CNBD1: variants seen among roughly 807,000 people sequenced by gnomAD.
CNBD1 encodes the protein cyclic nucleotide-binding domain-containing protein 1.
CNBD1 carries 71 observed loss-of-function variants against 54.4 expected under a neutral mutation model. The observed-to-expected ratio is 1.30, with a 90% CI of 1.08 to 1.59. The LOEUF (loss-of-function observed/expected upper bound fraction) is 1.59, where lower values mean the gene tolerates loss of function less well. CNBD1 is among the 40% of genes most tolerant of loss of function. The pLI is 0.00. For missense variants in CNBD1, 659 were observed against 518.0 expected, an observed-to-expected ratio of 1.27 and a Z score of -2.64; for synonymous variants, 182 against 170.7, an observed-to-expected ratio of 1.07 and a Z score of -0.51.
downstream of CNBD1, among the ~76,000 whole-genome samples, chr8:87,387,649 T>A (rs957255442): frequency 2.6e-5 from 4 of 151,848 alleles, no homozygotes; most frequent in South Asian, 8.3e-4. Context: ...TCCCACACAA[T>A]CATAATGGGA....
At chr8:87,110,643 G>A (rs943552737) in intron 4 of CNBD1, among the ~76,000 whole-genome samples, 12 of 152,184 alleles carry the variant, frequency 7.9e-5, no homozygotes, top group East Asian at 1.9e-4. Context: ...AGGGCATCCC[G>A]AGTACATGCC....
chr8:86,880,708 T>C (rs1353116524), intron 1 of CNBD1, among the ~76,000 whole-genome samples: 4 of 152,038 alleles, frequency 2.6e-5, no homozygotes, highest in Non-Finnish European at 4.4e-5. Flanking sequence ...AGATTGGTTA[T>C]AGATACAACA....
At chr8:86,965,229 G>T (rs1331551710) in intron 4 of CNBD1, among the ~76,000 whole-genome samples, 1 of 152,116 alleles carries the variant, frequency 6.6e-6, no homozygotes, top group Non-Finnish European at 1.5e-5. Context: ...TGAGAAAAAA[G>T]AAAGAAACAA....
intron 4 of CNBD1, among the ~76,000 whole-genome samples, chr8:87,125,980 A>G (rs1247070867): frequency 2.0e-5 from 3 of 151,892 alleles, no homozygotes; most frequent in African/African-American, 7.2e-5. Flanking sequence ...TATGAGATTT[A>G]TATATGTTGC....
intron 1 of CNBD1, among the ~76,000 whole-genome samples, chr8:86,878,238 T>C (rs1044566127): frequency 3.3e-5 from 5 of 152,136 alleles, no homozygotes; most frequent in East Asian, 1.9e-4. Context: ...ATTTTTACCT[T>C]TTCCCTTAGA....
chr8:86,973,934 T>G (rs1487708236), intron 4 of CNBD1, among the ~76,000 whole-genome samples: 1 of 152,018 alleles, frequency 6.6e-6, no homozygotes, highest in Non-Finnish European at 1.5e-5. Context: ...TAGAAAAGAG[T>G]AAGGCATTAA....
At chr8:86,883,179 A>C (rs1320580474) in intron 1 of CNBD1, among the ~76,000 whole-genome samples, 2 of 115,558 alleles carry the variant, frequency 1.7e-5, no homozygotes, top group Non-Finnish European at 3.7e-5. Context: ...GGAACTTAAA[A>C]GTTAAAAAAA....
chr8:87,321,730 C>T (rs1366776915), intron 8 of CNBD1, among the ~76,000 whole-genome samples: 1 of 151,210 alleles, frequency 6.6e-6, no homozygotes, highest in African/African-American at 2.4e-5. Flanking sequence ...TTTTTTGTGC[C>T]TGTGCTTTTG....
intron 4 of CNBD1, among the ~76,000 whole-genome samples, chr8:86,989,482 G>T (rs1043110156): frequency 1.3e-5 from 2 of 151,780 alleles, no homozygotes; most frequent in Non-Finnish European, 2.9e-5. Flanking sequence ...ATGGAGTCTC[G>T]CTCTGTTGCC....
chr8:87,309,404 C>T (rs918297156), intron 8 of CNBD1, among the ~76,000 whole-genome samples: 20 of 152,160 alleles, frequency 1.3e-4, no homozygotes, highest in African/African-American at 3.4e-4. Flanking sequence ...GTCTTTTATT[C>T]GGGTCAACAT....
chr8:87,412,048 T>A (rs1807755574), intron 2 of CNBD1, among the ~76,000 whole-genome samples: 1 of 152,056 alleles, frequency 6.6e-6, no homozygotes. Flanking sequence ...AATACCCTTT[T>A]TTGATAATCA....
At chr8:87,228,300 G>A (rs1161293691) in intron 5 of CNBD1, among the ~76,000 whole-genome samples, 1 of 151,356 alleles carries the variant, frequency 6.6e-6, no homozygotes, top group Non-Finnish European at 1.5e-5. Context: ...GCATTCCTTT[G>A]GAGGAGGAGA....
intron 4 of CNBD1, among the ~76,000 whole-genome samples, chr8:86,957,794 G>A (rs1465761381): frequency 3.3e-5 from 5 of 152,014 alleles, no homozygotes; most frequent in African/African-American, 7.2e-5. Flanking sequence ...TGGGTTCATC[G>A]ATTTTTTGTA....
chr8:86,979,654 G>A (rs1808427579), intron 4 of CNBD1, among the ~76,000 whole-genome samples: 1 of 151,952 alleles, frequency 6.6e-6, no homozygotes, highest in African/African-American at 2.4e-5. Context: ...AATATTTCTG[G>A]ATAAATAAAT....
At chr8:87,368,011 A>T (rs1810677938) in intron 10 of CNBD1, among the ~76,000 whole-genome samples, 1 of 152,000 alleles carries the variant, frequency 6.6e-6, no homozygotes. Context: ...AAAAGACAAA[A>T]ATTAGCTGGG....
intron 8 of CNBD1, among the ~76,000 whole-genome samples, chr8:87,348,304 G>T (rs1397298135): frequency 6.6e-6 from 1 of 152,088 alleles, no homozygotes; most frequent in African/African-American, 2.4e-5. Context: ...TAATAAAGAA[G>T]TAGTGTTTAA....
At chr8:87,298,076 C>T (rs1221746945) in intron 8 of CNBD1, among the ~76,000 whole-genome samples, 1 of 151,642 alleles carries the variant, frequency 6.6e-6, no homozygotes, top group Non-Finnish European at 1.5e-5. Context: ...CATCAGGAAA[C>T]AATATTTACA....
intron 4 of CNBD1, among the ~76,000 whole-genome samples, chr8:87,005,533 C>T (rs1482852399): frequency 6.6e-6 from 1 of 151,844 alleles, no homozygotes; most frequent in East Asian, 1.9e-4. Flanking sequence ...ACATTAATTC[C>T]ATAATTCGTA....
At chr8:87,298,516 T>C (rs1158518487) in intron 8 of CNBD1, among the ~76,000 whole-genome samples, 12 of 145,444 alleles carry the variant, frequency 8.3e-5, no homozygotes, top group Non-Finnish European at 1.3e-4. Context: ...ATGGAGCCTC[T>C]CACTGTCGCC....
Sources: allele counts gnomAD v4.1 joint callset (sites outside exome capture counted in the v4.1 genomes callset), GRCh38; gene constraint gnomAD v4.1.1; transcripts MANE v1.5; gene names NCBI Gene and HGNC (gene_info 2026-07-23, HGNC 2026-07-21).